ME1: variants seen among roughly 807,000 people sequenced by gnomAD.
ME1 encodes the protein NADP-dependent malic enzyme.
In ME1, 74 loss-of-function variants were observed where a neutral mutation model predicts 66.4. That is an observed-to-expected ratio of 1.11 (90% CI 0.92 to 1.35). ME1 has a LOEUF of 1.35. ME1 is among the 40% of genes most tolerant of loss of function. ME1 has a pLI of 0.00. For synonymous variants in ME1, 251 were observed against 235.6 expected, an observed-to-expected ratio of 1.07 and a Z score of -0.60; for missense variants, 750 against 694.1, an observed-to-expected ratio of 1.08 and a Z score of -0.90.
intron 11 of ME1, among the ~76,000 whole-genome samples, chr6:83,224,202 C>A (rs994655654): frequency 6.6e-6 from 1 of 152,140 alleles, no homozygotes; most frequent in Non-Finnish European, 1.5e-5. Context: ...ACTCTATTCT[C>A]TGCAGTGGTT....
intron 5 of ME1, among the ~76,000 whole-genome samples, chr6:83,341,023 C>T (rs1018588459): frequency 2.0e-5 from 3 of 151,892 alleles, no homozygotes; most frequent in Non-Finnish European, 2.9e-5. Context: ...CTGAGAGTCA[C>T]CGGGTGAACG....
Position 83,243,509 on chromosome 6 carries a change from T to C in ME1, c.815-3873A>G, listed in dbSNP as rs1295790348. On this transcript the variant is annotated intron_variant, in intron 7 of 13. Coordinates refer to ENST00000369705, the MANE Select transcript of ME1 (RefSeq NM_002395.6). The stretch of plus-strand genomic sequence containing the variant: ...ATAATTATGTTATATTGATATAATC[T>C]ATTATAATTATATTATATCGATATA... Among the ~76,000 whole-genome samples the C allele has an allele frequency of 4.4e-4, 56 of 127,546 alleles. 2 individuals are homozygous for C. The highest frequency in any genetic ancestry group is 1.6e-3 in the African/African-American group (52 of 32,098). 83.7% of individuals were successfully genotyped at this position (127,546 alleles called of 152,430 possible). A position where few individuals can be genotyped will look rare whatever the true frequency, so the allele number is the denominator to read the frequency against.
At chr6:83,316,643 A>G (rs1768036220) in intron 5 of ME1, among the ~76,000 whole-genome samples, 1 of 152,128 alleles carries the variant, frequency 6.6e-6, no homozygotes, top group Admixed American at 6.5e-5. Flanking sequence ...TTATTTGTAC[A>G]CATATAATTG....
intron 5 of ME1, among the ~76,000 whole-genome samples, chr6:83,324,111 C>T (rs759183514): frequency 2.6e-5 from 4 of 151,932 alleles, no homozygotes; most frequent in South Asian, 2.1e-4. Flanking sequence ...GAAATTAAGG[C>T]AGAAATAAAT....
chr6:83,306,742 G>A (rs2128537684), intron 6 of ME1, among the ~76,000 whole-genome samples: 1 of 152,172 alleles, frequency 6.6e-6, no homozygotes, highest in African/African-American at 2.4e-5. Flanking sequence ...GTTATTTTAT[G>A]CCTACTGTAG....
intron 3 of ME1, among the ~76,000 whole-genome samples, chr6:83,358,810 C>T (rs189154302): frequency 5.9e-5 from 9 of 152,186 alleles, no homozygotes; most frequent in Middle Eastern, 3.4e-3. Context: ...ATAAACCCTG[C>T]GCTACCTGAG....
chr6:83,222,554 A>G (rs1037450196), intron 12 of ME1, among the ~76,000 whole-genome samples: 1 of 152,236 alleles, frequency 6.6e-6, no homozygotes, highest in African/African-American at 2.4e-5. Context: ...TCATCCATAA[A>G]TGGTTACCTG....
chr6:83,281,667 G>A (rs2128533032), intron 6 of ME1, among the ~76,000 whole-genome samples: 1 of 151,642 alleles, frequency 6.6e-6, no homozygotes, highest in South Asian at 2.1e-4. Context: ...TTAGCCGAGT[G>A]TGGTGGTGGG....
chr6:83,322,929 G>A (rs937937867), intron 5 of ME1, among the ~76,000 whole-genome samples: 2 of 152,332 alleles, frequency 1.3e-5, no homozygotes, highest in East Asian at 1.9e-4. Flanking sequence ...TCCACAAAGG[G>A]AAGCCCATCA....
chr6:83,383,052 TTCAGAC>T (rs1769436549), intron 3 of ME1, among the ~76,000 whole-genome samples: 1 of 151,960 alleles, frequency 6.6e-6, no homozygotes, highest in South Asian at 2.1e-4. Context: ...GCAGACTGTC[TTCAGAC>T]TCAAACTGCA....
intron 6 of ME1, among the ~76,000 whole-genome samples, chr6:83,261,928 C>T (rs1238977460): frequency 6.7e-6 from 1 of 149,496 alleles, no homozygotes; most frequent in Non-Finnish European, 1.5e-5. Context: ...GCAGGAGAAT[C>T]ACTTGAACCC....
chr6:83,346,408 G>A (rs1768687786), intron 4 of ME1, 74 bp from the exon 5 acceptor site: 1 of 992,604 alleles, frequency 1.0e-6, no homozygotes, highest in Admixed American at 2.9e-5. Context: ...CTCTATTTCT[G>A]AAGTTACTAC....
intron 6 of ME1, among the ~76,000 whole-genome samples, chr6:83,277,334 TAA>T (rs1157962778): frequency 6.6e-6 from 1 of 152,216 alleles, no homozygotes; most frequent in Non-Finnish European, 1.5e-5. Flanking sequence ...AATCTGGGTA[TAA>T]ATTCCTCAGC....
At chr6:83,369,679 G>GGAAT (rs1373771199) in intron 3 of ME1, among the ~76,000 whole-genome samples, 73 of 96,016 alleles carry the variant, frequency 7.6e-4, no homozygotes, top group Non-Finnish European at 1.4e-3. Context: ...AACGAAGGAA[G>GGAAT]GAAGGAAGGA....
rs182971768 is a variant in ME1, at chr6:83,385,001, T to G, written c.362+13366A>C. ...ATTCTGAGGCTATGCCATGCAAGCA[T>G]ACACTTTCTTCTATATGAACATCTT... On this transcript the variant is annotated intron_variant, in intron 3 of 13. Coordinates refer to ENST00000369705, the MANE Select transcript of ME1 (RefSeq NM_002395.6). 2.6e-3 allele frequency among the ~76,000 whole-genome samples: 399 copies of G among 152,008 alleles called. 4 individuals carry two copies. Among genetic ancestry groups the G allele is most frequent in the Non-Finnish European group, 3.7e-3 (250 of 67,930 alleles).
chr6:83,275,737 T>C (rs1471984919), intron 6 of ME1, among the ~76,000 whole-genome samples: 2 of 138,670 alleles, frequency 1.4e-5, no homozygotes, highest in Admixed American at 1.5e-4. Context: ...AGTGCTGGGA[T>C]TACCGGTGTG....
intron 3 of ME1, among the ~76,000 whole-genome samples, chr6:83,373,722 T>TTAAG: frequency 6.6e-6 from 1 of 152,160 alleles, no homozygotes; most frequent in East Asian, 1.9e-4. Context: ...CATCTAGGTA[T>TTAAG]TAAGCCCTGC....
intron 6 of ME1, among the ~76,000 whole-genome samples, chr6:83,303,010 A>G (rs1767755969): frequency 6.6e-6 from 1 of 152,226 alleles, no homozygotes; most frequent in Admixed American, 6.5e-5. Context: ...GATTATAGAA[A>G]CTGGGTTATG....
chr6:83,401,196 A>T (rs1327370458), intron 2 of ME1, among the ~76,000 whole-genome samples: 2 of 152,192 alleles, frequency 1.3e-5, no homozygotes, highest in Non-Finnish European at 2.9e-5. Context: ...TAAGCCAGGC[A>T]TGGTGGAGCA....
Sources: gnomAD v4.1 joint callset for allele counts (sites outside exome capture counted in the v4.1 genomes callset) on GRCh38, gnomAD v4.1.1 for gene constraint, MANE v1.5 for transcripts, NCBI Gene and HGNC (gene_info 2026-07-23, HGNC 2026-07-21) for gene names.